Variants in C6orf136 observed in about 807,000 individuals in gnomAD.
The protein encoded by C6orf136 is chromosome 6 open reading frame 136, also known as uncharacterized protein C6orf136.
A neutral mutation model predicts 44.0 loss-of-function variants in C6orf136; 29 were observed. The ratio of observed to expected loss-of-function variants is 0.66; its 90% confidence interval spans 0.49 to 0.90. C6orf136 has a LOEUF of 0.90. Ranked by LOEUF, C6orf136 falls within the 40% of genes least tolerant of loss-of-function variation. C6orf136 has a pLI of 0.00. For synonymous variants in C6orf136, 293 were observed against 278.6 expected (o/e 1.05, Z -0.52); for missense variants, 628 against 669.3 (o/e 0.94, Z 0.68).
Position 30,651,374 on chromosome 6 carries a change from C to G in C6orf136, c.1215C>G (p.Asn405Lys). 1 of 1,613,892 alleles carries G rather than the reference C, an allele frequency of 6.2e-7. No individual in the cohort carries two copies. The highest frequency in any genetic ancestry group is 8.5e-7 in the Non-Finnish European group (1 of 1,180,034). ...TACAGCTGACCCGCCACCCTGAGAA[C>G]TGGACCCTGCAAGCCCGGTGGCGGC... ...EVLQLTRHPE[N>K]WTLQARWRLV... is the part of the protein sequence containing the mutation. Residue 405 changes from asparagine (N) to lysine (K), a missense_variant, in exon 4 of 6, where the codon AAC becomes AAG. By Grantham distance (94) the Asn-to-Lys change is moderately conservative (BLOSUM62 0). Coordinates refer to ENST00000651131, the MANE Select transcript of C6orf136 (RefSeq NM_001161376.2).
chr6:30,648,745 G>A (rs1767126951), intron 1 of C6orf136, among the ~76,000 whole-genome samples: 1 of 142,544 alleles, frequency 7.0e-6, no homozygotes, highest in African/African-American at 2.5e-5. Context: ...GGTGGCTCAC[G>A]CCTGTAATCC....
chr6:30,652,777 C>G, intron 5 of C6orf136, 25 bp from the exon 6 acceptor site: 2 of 1,611,744 alleles, frequency 1.2e-6, no homozygotes, highest in Non-Finnish European at 1.7e-6. Flanking sequence ...CCTCCCCCAA[C>G]TGGCATTAAC....
rs1340957757 is a variant in C6orf136, at chr6:30,647,428, C to T, written c.197C>T (p.Thr66Ile). The stretch of plus-strand genomic sequence containing the variant: ...CAGAGACACCCGCCGCCCCTTCCCA[C>T]CTGTGCCCTGCAGCGCGTGGACAGG... Reference protein sequence around the residue: ...QAQRHPPPLPTCALQRVDRLG... With the variant: ...QAQRHPPPLPICALQRVDRLG... Residue 66 changes from threonine (T) to isoleucine (I), a missense_variant, in exon 1 of 6, where the codon ACC becomes ATC. Physicochemically the swap from Thr to Ile is moderately conservative, Grantham distance 89. Coordinates refer to ENST00000651131, the MANE Select transcript of C6orf136 (RefSeq NM_001161376.2). The surrounding 1 kb of genome is among the most constrained non-coding windows in gnomAD (Gnocchi z 4.8). 5.4e-6 allele frequency: 8 copies of T among 1,472,874 alleles called. No homozygotes were observed. In the African/African-American group the frequency reaches 7.2e-5, roughly 13 times the overall value. The allele number at this position is 1,472,874 out of a possible 1,614,324, so 91.2% of individuals were successfully genotyped here.
intron 4 of C6orf136, 164 bp from the exon 5 acceptor site, chr6:30,652,484 G>A (rs1582916097): frequency 1.5e-6 from 1 of 668,722 alleles, no homozygotes; most frequent in Non-Finnish European, 2.7e-6. Flanking sequence ...CAAACACTCT[G>A]ATTTAATTGA....
Position 30,651,292 on chromosome 6 carries a change from T to C in C6orf136, c.1133T>C (p.Leu378Pro). ...TKGRTWYILS[L>P]TLCRFLAWNY... is the part of the protein sequence containing the mutation. ...GGCCGGACATGGTACATTCTTTCAC[T>C]GACCCTCTGCCGTTTCCTGGCCTGG... The change falls in exon 4 of 6, where the codon CTG becomes CCG. Residue 378 changes from leucine (L) to proline (P), a missense_variant. Leu to Pro is a moderately conservative substitution (Grantham distance 98). Coordinates refer to ENST00000651131, the MANE Select transcript of C6orf136 (RefSeq NM_001161376.2). 6.2e-7 allele frequency: 1 copy of C among 1,614,114 alleles called. No individual in the cohort carries two copies. Among genetic ancestry groups the C allele is most frequent in the Non-Finnish European group, 8.5e-7 (1 of 1,180,038 alleles).
rs754426497 is a variant in C6orf136 at position 30,653,007 on chromosome 6, C to G, written c.*92C>G. ...CAAGAATCTCAGGAGCCAGCTTCCT[C>G]TCCTCGTTTCTCTCCTTCCTTCCTT... is the stretch of plus-strand genomic sequence containing the variant. On this transcript the variant is annotated 3_prime_UTR_variant, in exon 6 of 6. Coordinates refer to ENST00000651131, the MANE Select transcript of C6orf136 (RefSeq NM_001161376.2). The G allele has an allele frequency of 4.9e-6, 6 of 1,216,022 alleles. No homozygotes were observed. Among genetic ancestry groups the G allele is most frequent in the Non-Finnish European group, 7.1e-6 (6 of 841,682 alleles). 75.3% of individuals were successfully genotyped at this position (1,216,022 alleles called of 1,614,324 possible). A position where few individuals can be genotyped will look rare whatever the true frequency, so the allele number is the denominator to read the frequency against.
rs1766969268 is a variant in C6orf136 at position 30,647,595 on chromosome 6, C to T, written c.364C>T (p.Pro122Ser). Reference sequence around the variant, plus strand: ...CGTTGCGCCCGACTCTCCGCGGTTACCTGTGCCTAGAGGTGATTTGAAGGG... The same window carrying T: ...CGTTGCGCCCGACTCTCCGCGGTTATCTGTGCCTAGAGGTGATTTGAAGGG... ...VCVAPDSPRL[P>S]VPRGDLKGRG... Residue 122 changes from proline to serine, a missense_variant, in exon 1 of 6, where the codon CCT (proline) becomes TCT (serine). Physicochemically the swap from Pro to Ser is moderately conservative, Grantham distance 74. Around this residue, in one of 2 missense-constraint regions of C6orf136, gnomAD observed 497 missense variants for 469.2 expected, o/e 1.06. Transcript: ENST00000651131. The surrounding 1 kb of genome is among the most constrained non-coding windows in gnomAD (Gnocchi z 4.8). 2.6e-6 allele frequency: 4 copies of T among 1,545,238 alleles called. No homozygotes were observed. Among genetic ancestry groups the T allele is most frequent in the South Asian group, 1.2e-5 (1 of 83,840 alleles).
At chr6:30,648,247 C>G (rs1033586099) in intron 1 of C6orf136, among the ~76,000 whole-genome samples, 4 of 152,164 alleles carry the variant, frequency 2.6e-5, no homozygotes. Flanking sequence ...TCTTTTTTCT[C>G]TGTACATTTG....
chr6:30,647,648 T>C lies in C6orf136; in HGVS notation c.417T>C (p.Ala139=), dbSNP rs1225946982. Residue 139 remains alanine, a synonymous_variant, in exon 1 of 6, where the codon GCT becomes GCC. Coordinates refer to ENST00000651131, the MANE Select transcript of C6orf136 (RefSeq NM_001161376.2). The surrounding 1 kb of genome is among the most constrained non-coding windows in gnomAD (Gnocchi z 4.8). ...KGRGREIRSP[A]AAPSRSSPAQ... ...GGGGCCGAGAGATTCGTAGCCCTGC[T>C]GCGGCGCCGTCCCGGAGTTCCCCGG... 6.5e-7 allele frequency: 1 copy of C among 1,549,848 alleles called. No individual in the cohort carries two copies. Among genetic ancestry groups the C allele is most frequent in the East Asian group, 2.4e-5 (1 of 40,904 alleles).
intron 1 of C6orf136, among the ~76,000 whole-genome samples, chr6:30,648,245 C>A (rs1264384231): frequency 6.6e-6 from 1 of 152,176 alleles, no homozygotes; most frequent in East Asian, 1.9e-4. Flanking sequence ...ATTCTTTTTT[C>A]TCTGTACATT....
Position 30,651,383 on chromosome 6 carries a change from G to C in C6orf136, c.1224G>C (p.Leu408=). 1 of 1,613,660 alleles carries C rather than the reference G, an allele frequency of 6.2e-7. No homozygotes were observed. The highest frequency in any genetic ancestry group is 1.1e-5 in the South Asian group (1 of 91,084). The change falls in exon 4 of 6, where the codon CTG becomes CTC. Residue 408 remains leucine, a synonymous_variant. Coordinates refer to ENST00000651131, the MANE Select transcript of C6orf136 (RefSeq NM_001161376.2). ...QLTRHPENWT[L]QARWRLVGLP... ...CCCGCCACCCTGAGAACTGGACCCT[G>C]CAAGCCCGGTGGCGGCTTGTGGGGC... is the stretch of plus-strand genomic sequence containing the variant.
chr6:30,650,856 G>T (rs1041934700), intron 2 of C6orf136, 138 bp from the exon 3 acceptor site: 2 of 633,230 alleles, frequency 3.2e-6, no homozygotes, highest in Non-Finnish European at 5.5e-6. Flanking sequence ...AGGTTGCAGT[G>T]AGCTGAGATT....
In C6orf136 at chr6:30,651,458, G is replaced by C. The variant is rs1226051723; in HGVS notation, c.1299G>C (p.Glu433Asp). ...GGTTCTACAAGCGTGACAAAGACGAGCATTACCGGTAAGAGAGAAATGAGA... is the reference window on the plus strand; with the variant it reads ...GGTTCTACAAGCGTGACAAAGACGACCATTACCGGTAAGAGAGAAATGAGA... ...FLRFYKRDKDEHYRTYDAYST... is the reference protein window; with the variant it reads ...FLRFYKRDKDDHYRTYDAYST... Residue 433 changes from glutamate to aspartate, a missense_variant, in exon 4 of 6, where the codon GAG becomes GAC. Physicochemically the swap from Glu to Asp is conservative, Grantham distance 45. Around this residue, in one of 2 missense-constraint regions of C6orf136, gnomAD observed 131 missense variants for 200.1 expected, o/e 0.65. Transcript: ENST00000651131. The C allele has an allele frequency of 6.2e-7, 1 of 1,607,510 alleles. No homozygotes were observed. The highest frequency in any genetic ancestry group is 1.1e-5 in the South Asian group (1 of 91,066).
In C6orf136 at chr6:30,647,242, C is replaced by A; in HGVS notation, c.11C>A (p.Pro4His). The A allele has an allele frequency of 6.3e-7, 1 of 1,594,580 alleles. No individual in the cohort carries two copies. The highest frequency in any genetic ancestry group is 8.5e-7 in the Non-Finnish European group (1 of 1,173,598). ...CACTCCCGGAAGATCATGTACCAGCCCAGCCGGGGTGCGGCCCGGCGTCTC... is the reference window on the plus strand; with the variant it reads ...CACTCCCGGAAGATCATGTACCAGCACAGCCGGGGTGCGGCCCGGCGTCTC... MYQ[P>H]SRGAARRLGP... Residue 4 changes from proline to histidine, a missense_variant, in exon 1 of 6, where the codon CCC becomes CAC. Pro to His is a moderately conservative substitution (Grantham distance 77). Coordinates refer to ENST00000651131, the MANE Select transcript of C6orf136 (RefSeq NM_001161376.2). The surrounding 1 kb of genome is among the most constrained non-coding windows in gnomAD (Gnocchi z 4.8).
intron 2 of C6orf136, among the ~76,000 whole-genome samples, chr6:30,650,539 C>T (rs983981816): frequency 6.6e-6 from 1 of 151,892 alleles, no homozygotes; most frequent in Non-Finnish European, 1.5e-5. Context: ...AATCCTAGCA[C>T]TTTGGGAGGC....
In C6orf136 at chr6:30,653,087, TTAAC is replaced by T. The variant is rs1204359793; in HGVS notation, c.*174_*177del. The T allele has an allele frequency of 7.2e-6, 8 of 1,105,794 alleles. No homozygotes were observed. The highest frequency in any genetic ancestry group is 2.6e-5 in the East Asian group (1 of 38,646). The allele number at this position is 1,105,794 out of a possible 1,614,324, so 68.5% of individuals were successfully genotyped here. On this transcript the variant is annotated 3_prime_UTR_variant, in exon 6 of 6. Transcript: ENST00000651131. ...TAATTTAACTTGTAAATAATAAAGT[TTAAC>T]TGACTATATGAGATAGAATTTCACA...
Position 30,652,833 on chromosome 6 carries a change from TGAA to T in C6orf136, c.1414_1416del (p.Lys472del), listed in dbSNP as rs1232743475. 6.2e-7 allele frequency: 1 copy of T among 1,613,100 alleles called. No homozygotes were observed. Among genetic ancestry groups the T allele is most frequent in the South Asian group, 1.1e-5 (1 of 91,084 alleles). On this transcript the variant is annotated inframe_deletion, in exon 6 of 6. Coordinates refer to ENST00000651131, the MANE Select transcript of C6orf136 (RefSeq NM_001161376.2). ...CCTTCACACTCACCTCCAACGCCTG[TGAA>T]GAAGCTGCTAGTGGGAGCCCTGGTG...
Position 30,647,179 on chromosome 6 carries a change from T to C in C6orf136, c.-53T>C, listed in dbSNP as rs1226929581. ...CGGCTCTGGGGCGCGCTCACCCCTGTGAGGAGGCCGGAGGTCGGACTCAGG... is the reference window on the plus strand; with the variant it reads ...CGGCTCTGGGGCGCGCTCACCCCTGCGAGGAGGCCGGAGGTCGGACTCAGG... On this transcript the variant is annotated 5_prime_UTR_variant, in exon 1 of 6. Coordinates refer to ENST00000651131, the MANE Select transcript of C6orf136 (RefSeq NM_001161376.2). The surrounding 1 kb of genome is among the most constrained non-coding windows in gnomAD (Gnocchi z 4.8). The C allele has an allele frequency of 7.0e-6, 9 of 1,280,934 alleles. No individual in the cohort carries two copies. In the East Asian group the frequency reaches 3.2e-4, roughly 45 times the overall value. The allele number at this position is 1,280,934 out of a possible 1,614,324, so 79.3% of individuals were successfully genotyped here.
At chr6:30,649,410 G>A (rs1767191798) in intron 1 of C6orf136, 148 bp from the exon 2 acceptor site, 1 of 667,052 alleles carries the variant, frequency 1.5e-6, no homozygotes, top group Non-Finnish European at 2.5e-6. Context: ...CAGTAGAGAT[G>A]GAGATGAATC....
Sources: allele counts gnomAD v4.1 joint callset (sites outside exome capture counted in the v4.1 genomes callset), GRCh38; gene constraint gnomAD v4.1.1; regional missense constraint gnomAD v4.1.1; non-coding constraint Gnocchi (gnomAD v3.1); transcripts MANE v1.5; gene names NCBI Gene and HGNC (gene_info 2026-07-23, HGNC 2026-07-21).